The following FAHD1 variants were observed in gnomAD, a reference collection of about 807,000 sequenced individuals.
FAHD1 encodes the protein oxaloacetate tautomerase FAHD1, mitochondrial.
Under a neutral mutation model 12.7 loss-of-function variants are expected in FAHD1, and 14 were observed. That is an observed-to-expected ratio of 1.10 (90% CI 0.73 to 1.72). FAHD1 has a LOEUF of 1.72. FAHD1 is among the 40% of genes most tolerant of loss of function. The pLI is 0.00. For synonymous variants in FAHD1, 153 were observed against 124.9 expected (o/e 1.22, Z -1.50); for missense variants, 351 against 298.9 (o/e 1.17, Z -1.29).
At chr16:1,839,311 T>G in exon 3 of FAHD1, 1 of 1,614,138 alleles carries the variant, frequency 6.2e-7, no homozygotes. Context: ...GAATGAAGGG[T>G]GCCTGTGTGA....
chr16:1,839,477 T>C, exon 3 of FAHD1: 1 of 1,539,360 alleles, frequency 6.5e-7, no homozygotes, highest in Non-Finnish European at 8.8e-7. Context: ...TGTGATGCCC[T>C]AAGCTACAAA....
downstream of FAHD1, among the ~76,000 whole-genome samples, chr16:1,830,915 T>C (rs979903524): frequency 1.6e-4 from 6 of 37,524 alleles, no homozygotes; most frequent in Admixed American, 3.5e-4. Context: ...TCTCTCTCTC[T>C]ATACACACAC....
chr16:1,836,233 T>C (rs995663430), intron 1 of FAHD1, among the ~76,000 whole-genome samples: 2 of 152,222 alleles, frequency 1.3e-5, no homozygotes, highest in African/African-American at 2.4e-5. Flanking sequence ...TGTAAAATAC[T>C]GTGTTACCTA....
rs1445227929 is a variant in FAHD1, at chr16:1,828,437, C to T, written c.*533C>T. On this transcript the variant is annotated 3_prime_UTR_variant, in exon 1 of 1. Coordinates refer to ENST00000427358, the Ensembl canonical transcript of FAHD1. ...TTTCTTCGGAAAACATTTTATCAAA[C>T]CAAATGTTAAAAAGACTTTCCTTTT... The T allele has an allele frequency of 5.0e-6, 5 of 1,001,020 alleles. No individual in the cohort carries two copies. In the South Asian group the frequency reaches 1.4e-4, roughly 28 times the overall value. The allele number at this position is 1,001,020 out of a possible 1,614,324, so 62.0% of individuals were successfully genotyped here.
chr16:1,834,940 AC>A (rs140912036), intron 1 of FAHD1, among the ~76,000 whole-genome samples: 1,717 of 98,592 alleles, frequency 0.017, 4 homozygotes, highest in Admixed American at 0.023. Flanking sequence ...TGTCCCCCCC[AC>A]CCCCCCCCAC....
chr16:1,828,409 G>C (rs993237890), exon 1 of FAHD1: 4 of 1,001,310 alleles, frequency 4.0e-6, no homozygotes, highest in Non-Finnish European at 4.8e-6. Context: ...GGCAAGTAAA[G>C]TATTTCTTCG....
intron 1 of FAHD1, among the ~76,000 whole-genome samples, chr16:1,836,098 A>G (rs533669442): frequency 3.9e-5 from 6 of 151,908 alleles, no homozygotes; most frequent in South Asian, 2.1e-4. Flanking sequence ...TCCCCTTTGA[A>G]TCCTTCTTCT....
At chr16:1,832,331 C>T (rs1332737240), downstream of FAHD1, among the ~76,000 whole-genome samples, 1 of 150,624 alleles carries the variant, frequency 6.6e-6, no homozygotes, top group Admixed American at 6.6e-5. Context: ...CCACCACACC[C>T]GGCTAATTTT....
At chr16:1,832,931 G>A (rs1285751195), downstream of FAHD1, among the ~76,000 whole-genome samples, 1 of 152,064 alleles carries the variant, frequency 6.6e-6, no homozygotes, top group Non-Finnish European at 1.5e-5. Flanking sequence ...TCCCTCCTCT[G>A]TGGCTGCACA....
chr16:1,839,752 C>A (rs1478476668), exon 3 of FAHD1: 2 of 269,438 alleles, frequency 7.4e-6, no homozygotes, highest in Non-Finnish European at 1.4e-5. Context: ...TCCCAGCCTG[C>A]AGCCTTTCTC....
chr16:1,828,867 G>T, exon 1 of FAHD1: 1 of 1,000,190 alleles, frequency 1.0e-6, no homozygotes, highest in Non-Finnish European at 1.2e-6. Context: ...TTCGGGAGAT[G>T]ATTTTGAAAT....
Position 1,838,080 on chromosome 16 carries a change from T to C in FAHD1, c.692T>C (p.Leu231Pro), listed in dbSNP as rs1009444008. ...AGTGCTATCACAGCTCACTGCAGCC[T>C]CGAACTCCCGGGGTCAAGCAATCCT... The change falls in exon 2 of 3, where the codon CTC becomes CCC. Residue 231 changes from leucine (L) to proline (P), a missense_variant. Transcript: ENST00000382666. 5.6e-6 allele frequency: 5 copies of C among 895,514 alleles called. No individual in the cohort carries two copies. The African/African-American group carries it at 6.8e-5, about 12-fold the overall frequency. 55.5% of individuals were successfully genotyped at this position (895,514 alleles called of 1,614,324 possible).
downstream of FAHD1, among the ~76,000 whole-genome samples, chr16:1,832,886 TCAC>T (rs1327849281): frequency 1.3e-5 from 2 of 152,210 alleles, no homozygotes; most frequent in Admixed American, 6.5e-5. Flanking sequence ...CATTACCTTA[TCAC>T]CACAATTTGG....
At chr16:1,834,714 C>A (rs1052354891) in intron 1 of FAHD1, among the ~76,000 whole-genome samples, 9 of 152,026 alleles carry the variant, frequency 5.9e-5, no homozygotes, top group Non-Finnish European at 1.0e-4. Context: ...GGGTGGATCA[C>A]CTGAGGTCAG....
At chr16:1,835,929 G>A (rs939581925) in intron 1 of FAHD1, among the ~76,000 whole-genome samples, 3 of 148,502 alleles carry the variant, frequency 2.0e-5, no homozygotes, top group Admixed American at 6.8e-5. Flanking sequence ...GTGAGATCTC[G>A]GCTCACTGCA....
downstream of FAHD1, chr16:1,833,902 G>A (rs1304824556): frequency 6.0e-6 from 1 of 166,738 alleles, no homozygotes; most frequent in Non-Finnish European, 1.3e-5. Flanking sequence ...ACTGGCTTAA[G>A]AAAATAAATC....
At chr16:1,828,427 T>C in exon 1 of FAHD1, 1 of 1,001,464 alleles carries the variant, frequency 1.0e-6, no homozygotes, top group Non-Finnish European at 1.2e-6. Context: ...TCGGAAAACA[T>C]TTTATCAAAC....
exon 1 of FAHD1, chr16:1,827,210 C>G: frequency 6.3e-7 from 1 of 1,582,540 alleles, no homozygotes; most frequent in Non-Finnish European, 8.6e-7. Flanking sequence ...GCCCAGCCCA[C>G]GTGACTACAG....
intron 1 of FAHD1, among the ~76,000 whole-genome samples, chr16:1,837,230 TG>T (rs983147286): frequency 1.3e-5 from 2 of 152,016 alleles, no homozygotes; most frequent in African/African-American, 4.8e-5. Flanking sequence ...TCTCACAGGC[TG>T]AGGTGTGGTG....
Sources: gnomAD v4.1 joint callset for allele counts (sites outside exome capture counted in the v4.1 genomes callset) on GRCh38, gnomAD v4.1.1 for gene constraint, MANE v1.5 for transcripts, NCBI Gene and HGNC (gene_info 2026-07-23, HGNC 2026-07-21) for gene names.